Variants in GRB10 observed in about 807,000 individuals in gnomAD.
The protein encoded by GRB10 is growth factor receptor-bound protein 10.
Under a neutral mutation model 80.9 loss-of-function variants are expected in GRB10, and 20 were observed. The observed-to-expected ratio is 0.25, with a 90% CI of 0.17 to 0.36. The LOEUF (loss-of-function observed/expected upper bound fraction) is 0.36. Ranked by LOEUF, GRB10 falls within the 10% of genes least tolerant of loss-of-function variation. The pLI is 1.00. For missense variants in GRB10, 548 were observed against 747.7 expected (o/e 0.73, Z 3.12); for synonymous variants, 291 against 291.5 (o/e 1.00, Z 0.02).
Position 50,598,821 on chromosome 7 carries a change from G to A in GRB10, c.1545-3291C>T, listed in dbSNP as rs184271737. ...AGCTTCAAAGAATTCAAATTTTGCC[G>A]AAGAGGTTTCCTTCCAACATGTGGA... On this transcript the variant is annotated intron_variant, in intron 17 of 18. Coordinates refer to ENST00000401949, the MANE Select transcript of GRB10 (RefSeq NM_001350814.2). Among the ~76,000 whole-genome samples, 786 of 152,290 alleles carry A rather than the reference G, an allele frequency of 5.2e-3. 4 individuals are homozygous for A. The highest frequency in any genetic ancestry group is 0.017 in the African/African-American group (713 of 41,554).
chr7:50,673,154 C>A (rs893827747), intron 6 of GRB10, among the ~76,000 whole-genome samples: 3 of 152,180 alleles, frequency 2.0e-5, no homozygotes, highest in Non-Finnish European at 4.4e-5. Context: ...AGGAAATGAA[C>A]AGAGCTCCCC....
chr7:50,737,358 C>T (rs1298009453), intron 3 of GRB10, among the ~76,000 whole-genome samples: 2 of 152,196 alleles, frequency 1.3e-5, no homozygotes, highest in Admixed American at 1.3e-4. Flanking sequence ...TAGCACCTCC[C>T]TCTTCACTCT....
chr7:50,749,330 T>C (rs148444009), intron 3 of GRB10, among the ~76,000 whole-genome samples: 69 of 152,230 alleles, frequency 4.5e-4, no homozygotes, highest in Admixed American at 2.2e-3. Context: ...GGTTTCATCA[T>C]GTTGGCCAGG....
intron 2 of GRB10, among the ~76,000 whole-genome samples, chr7:50,762,663 A>C (rs531893775): frequency 2.0e-5 from 3 of 152,334 alleles, no homozygotes; most frequent in African/African-American, 7.2e-5. Flanking sequence ...ATGTGCCTTA[A>C]ACATTACAAG....
intron 7 of GRB10, among the ~76,000 whole-genome samples, chr7:50,640,356 T>C (rs1257256994): frequency 6.6e-6 from 1 of 152,164 alleles, no homozygotes; most frequent in Non-Finnish European, 1.5e-5. Context: ...GAAGGACATG[T>C]TGGAGGAATG....
intron 4 of GRB10, among the ~76,000 whole-genome samples, chr7:50,721,343 G>A (rs950758080): frequency 5.3e-5 from 8 of 152,178 alleles, no homozygotes; most frequent in Non-Finnish European, 1.0e-4. Flanking sequence ...CCCAGGATGC[G>A]ACTCCAAGAT....
chr7:50,655,549 T>G (rs1397048153), intron 7 of GRB10, among the ~76,000 whole-genome samples: 1 of 152,204 alleles, frequency 6.6e-6, no homozygotes, highest in African/African-American at 2.4e-5. Context: ...TTAGATGCAC[T>G]CAGCTGTCCA....
chr7:50,629,645 G>A (rs145202737), intron 7 of GRB10, among the ~76,000 whole-genome samples: 17 of 152,318 alleles, frequency 1.1e-4, no homozygotes, highest in African/African-American at 3.4e-4. Flanking sequence ...CCCAGTCAAC[G>A]CGTAGAGCTA....
intron 5 of GRB10, among the ~76,000 whole-genome samples, chr7:50,690,278 A>G (rs968787795): frequency 2.6e-5 from 4 of 151,496 alleles, no homozygotes; most frequent in African/African-American, 9.7e-5. Flanking sequence ...CCTGGGCAAC[A>G]AGAGCGAAAC....
At chr7:50,595,348 G>C in intron 18 of GRB10, 89 bp downstream of exon 18, 1 of 789,376 alleles carries the variant, frequency 1.3e-6, no homozygotes, top group Admixed American at 1.7e-5. Context: ...GATACTTACC[G>C]GTCTTGTCGG....
At chr7:50,620,856 T>C (rs777774105) in intron 8 of GRB10, among the ~76,000 whole-genome samples, 1 of 152,232 alleles carries the variant, frequency 6.6e-6, no homozygotes, top group African/African-American at 2.4e-5. Context: ...TGACTTCTGT[T>C]GAAATGTTTA....
intron 1 of GRB10, among the ~76,000 whole-genome samples, chr7:50,787,903 G>A (rs947427205): frequency 3.9e-5 from 6 of 152,208 alleles, no homozygotes; most frequent in African/African-American, 1.4e-4. Flanking sequence ...AAAGATGGGC[G>A]GGGGAGGTGC....
chr7:50,734,748 G>A (rs904733675), intron 3 of GRB10, among the ~76,000 whole-genome samples: 4 of 152,174 alleles, frequency 2.6e-5, no homozygotes, highest in Non-Finnish European at 5.9e-5. Flanking sequence ...TAAGCCCAGT[G>A]GAACAGTTTC....
intron 3 of GRB10, among the ~76,000 whole-genome samples, chr7:50,737,584 C>CT (rs1442028175): frequency 6.6e-6 from 1 of 152,180 alleles, no homozygotes; most frequent in Non-Finnish European, 1.5e-5. Flanking sequence ...CGTGGTGGCT[C>CT]ACACCTGTAA....
In GRB10 at chr7:50,755,972, G is replaced by A. The variant is rs1255100891; in HGVS notation, c.-132C>T. ...GGACCCAGGTGAGGACCTGGCTGCCGGTCACTGGGCTGCTGGTCACTGAGC... is the reference window on the plus strand; with the variant it reads ...GGACCCAGGTGAGGACCTGGCTGCCAGTCACTGGGCTGCTGGTCACTGAGC... On this transcript the variant is annotated 5_prime_UTR_variant, in exon 3 of 19. Transcript: ENST00000401949. 2 of 398,910 alleles carry A rather than the reference G, an allele frequency of 5.0e-6. No individual in the cohort carries two copies. Among genetic ancestry groups the A allele is most frequent in the East Asian group, 7.1e-5 (2 of 28,074 alleles). The allele number at this position is 398,910 out of a possible 1,614,324, so 24.7% of individuals were successfully genotyped here.
chr7:50,691,053 T>G (rs1327201231), intron 5 of GRB10, among the ~76,000 whole-genome samples: 1 of 152,184 alleles, frequency 6.6e-6, no homozygotes, highest in Non-Finnish European at 1.5e-5. Context: ...TTTTTGTTCC[T>G]ATCTTCCTTA....
chr7:50,650,847 G>T (rs1331372895), intron 7 of GRB10, among the ~76,000 whole-genome samples: 2 of 140,998 alleles, frequency 1.4e-5, no homozygotes, highest in African/African-American at 5.3e-5. Context: ...AAAATCTCCT[G>T]GGAGAAAAAA....
chr7:50,611,994 A>C (rs1405200475), intron 13 of GRB10, among the ~76,000 whole-genome samples: 2 of 152,212 alleles, frequency 1.3e-5, no homozygotes, highest in Non-Finnish European at 2.9e-5. Flanking sequence ...GTGCACAGAA[A>C]CACTGTGGGA....
Position 50,790,477 on chromosome 7 carries a change from T to C in GRB10, c.-294+2747A>G, listed in dbSNP as rs115737863. Among the ~76,000 whole-genome samples, 691 of 152,368 alleles carry C rather than the reference T, an allele frequency of 4.5e-3. 10 individuals are homozygous for C. Among genetic ancestry groups the C allele is most frequent in the African/African-American group, 0.016 (670 of 41,580 alleles). Reference sequence around the variant, plus strand: ...TCAAATGAAAGACAAGGCAAATATGTTCTCCTCACAAGCCATACAATGCCA... The same window carrying C: ...TCAAATGAAAGACAAGGCAAATATGCTCTCCTCACAAGCCATACAATGCCA... On this transcript the variant is annotated intron_variant, in intron 1 of 16. Coordinates refer to the GRB10 transcript ENST00000335866.
Sources: allele counts gnomAD v4.1 joint callset (sites outside exome capture counted in the v4.1 genomes callset), GRCh38; gene constraint gnomAD v4.1.1; transcripts MANE v1.5; gene names NCBI Gene and HGNC (gene_info 2026-07-23, HGNC 2026-07-21).